The following ZNF827 variants were observed in gnomAD, a reference collection of about 807,000 sequenced individuals.
ZNF827 encodes the protein zinc finger protein 827.
In ZNF827, 13 loss-of-function variants were observed where a neutral mutation model predicts 102.4. The observed-to-expected ratio is 0.13, with a 90% confidence interval of 0.08 to 0.20. The LOEUF is 0.20. Ranked by LOEUF, ZNF827 falls within the 10% of genes least tolerant of loss-of-function variation. The pLI is 1.00. For missense variants in ZNF827, 1,103 were observed against 1,344.4 expected, an observed-to-expected ratio of 0.82 and a Z score of 2.81; for synonymous variants, 523 against 536.2, an observed-to-expected ratio of 0.98 and a Z score of 0.34.
At chr4:145,787,718 T>G (rs528764311) in intron 8 of ZNF827, among the ~76,000 whole-genome samples, 1 of 152,262 alleles carries the variant, frequency 6.6e-6, no homozygotes, top group East Asian at 1.9e-4. Flanking sequence ...ACCCATCTGA[T>G]AGAATTCAGG....
intron 8 of ZNF827, among the ~76,000 whole-genome samples, chr4:145,789,555 C>G (rs557015117): frequency 6.6e-6 from 1 of 152,278 alleles, no homozygotes; most frequent in East Asian, 1.9e-4. Context: ...TATTTTACAA[C>G]ACAACAAAAC....
At chr4:145,899,860 C>T (rs1053219218) in intron 2 of ZNF827, among the ~76,000 whole-genome samples, 2 of 152,120 alleles carry the variant, frequency 1.3e-5, no homozygotes, top group African/African-American at 4.8e-5. Context: ...AGTTCCTTTC[C>T]CTCCTCTTTC....
At chr4:145,890,928 G>C (rs926297518) in intron 3 of ZNF827, among the ~76,000 whole-genome samples, 2 of 152,200 alleles carry the variant, frequency 1.3e-5, no homozygotes, top group African/African-American at 4.8e-5. Flanking sequence ...AATCTTCCAA[G>C]CTATTTCCTA....
chr4:145,825,320 T>C (rs572993381), intron 7 of ZNF827, among the ~76,000 whole-genome samples: 1 of 152,214 alleles, frequency 6.6e-6, no homozygotes, highest in Non-Finnish European at 1.5e-5. Flanking sequence ...GTCTGGACCC[T>C]GTGTGCAGTG....
intron 8 of ZNF827, among the ~76,000 whole-genome samples, chr4:145,789,894 T>C (rs1249975858): frequency 6.6e-6 from 1 of 152,196 alleles, no homozygotes; most frequent in Non-Finnish European, 1.5e-5. Context: ...GAGAGAATGG[T>C]GGAATTTGGA....
In ZNF827 at chr4:145,779,234, T is replaced by G. The variant is rs545123603; in HGVS notation, c.2521+140A>C. On this transcript the variant is annotated intron_variant, in intron 9 of 14. Transcript: ENST00000508784. ...GCCTTTCCAAGGTCTTCTTTAAACA[T>G]GCCAGAGAAAATGGCTTGAAAAGGT... 248 of 1,152,068 alleles carry G rather than the reference T, an allele frequency of 2.2e-4. 2 individuals carry two copies. The African/African-American group carries it at 2.7e-3, about 13-fold the overall frequency. 71.4% of individuals were successfully genotyped at this position (1,152,068 alleles called of 1,614,324 possible).
intron 11 of ZNF827, among the ~76,000 whole-genome samples, chr4:145,767,169 T>C (rs1735433047): frequency 6.6e-6 from 1 of 152,214 alleles, no homozygotes; most frequent in Admixed American, 6.5e-5. Flanking sequence ...GGTGACTGTA[T>C]TTCATATGTT....
Position 145,857,423 on chromosome 4 carries a change from C to T in ZNF827, c.1982-7862G>A, listed in dbSNP as rs183916867. On this transcript the variant is annotated intron_variant, in intron 5 of 14. Coordinates refer to ENST00000508784, the MANE Select transcript of ZNF827 (RefSeq NM_001306215.2). ...CAAAGCGCTTGTTGCTTTACTCTTA[C>T]GTAGATTTTTAAATTAGTCTTGTGT... Among the ~76,000 whole-genome samples the T allele has an allele frequency of 3.6e-3, 542 of 152,242 alleles. 1 individual carries two copies. Among genetic ancestry groups the T allele is most frequent in the African/African-American group, 0.012 (504 of 41,536 alleles).
rs761036678 is a variant in ZNF827 at position 145,849,439 on chromosome 4, G to C, written c.2104C>G (p.Arg702Gly). The change falls in exon 6 of 15, where the codon CGA becomes GGA. Residue 702 changes from arginine (R) to glycine (G), a missense_variant. By Grantham distance (125) the Arg-to-Gly change is moderately radical. Around this residue, in one of 5 missense-constraint regions of ZNF827, gnomAD observed 243 missense variants for 251.6 expected, o/e 0.97. Coordinates refer to ENST00000508784, the MANE Select transcript of ZNF827 (RefSeq NM_001306215.2). ...TTCTGTAAGGGTTCGGTTTTCTCTC[G>C]CCCGATTAAAGTGCTGTAGCCAACA... ...RNVGYSTLIGREKTEPLQKMP... is the reference protein window; with the variant it reads ...RNVGYSTLIGGEKTEPLQKMP... 6.2e-7 allele frequency: 1 copy of C among 1,614,018 alleles called. No individual in the cohort carries two copies. The highest frequency in any genetic ancestry group is 8.5e-7 in the Non-Finnish European group (1 of 1,180,020).
At chr4:145,794,485 G>C (rs1740166461) in intron 8 of ZNF827, among the ~76,000 whole-genome samples, 1 of 151,938 alleles carries the variant, frequency 6.6e-6, no homozygotes. Flanking sequence ...CTAGGAGTTG[G>C]ATACCAGCCT....
intron 5 of ZNF827, among the ~76,000 whole-genome samples, chr4:145,868,358 A>ATT (rs11435300): frequency 6.6e-6 from 1 of 151,894 alleles, no homozygotes; most frequent in South Asian, 2.1e-4. Context: ...GGATTTGAGG[A>ATT]TTTTTTTTCA....
chr4:145,892,092 TG>T (rs1427985334), intron 3 of ZNF827, 150 bp downstream of exon 3: 5 of 666,108 alleles, frequency 7.5e-6, no homozygotes, highest in Non-Finnish European at 2.3e-6. Context: ...ACCTTTCTGT[TG>T]AATTCTACCT....
chr4:145,830,474 T>C (rs1317402329), intron 7 of ZNF827: 2 of 152,200 alleles, frequency 1.3e-5, no homozygotes, highest in African/African-American at 4.8e-5. Flanking sequence ...AAAAACACTT[T>C]ATTTTTACAT....
intron 5 of ZNF827, among the ~76,000 whole-genome samples, chr4:145,861,379 C>T (rs1270586896): frequency 2.0e-5 from 3 of 152,254 alleles, no homozygotes; most frequent in Admixed American, 1.3e-4. Flanking sequence ...TACCTTCTAT[C>T]CATCAGGAAA....
chr4:145,791,937 C>T (rs568889694), intron 8 of ZNF827, among the ~76,000 whole-genome samples: 2 of 152,294 alleles, frequency 1.3e-5, no homozygotes, highest in South Asian at 2.1e-4. Flanking sequence ...AACTAGGAAG[C>T]GTATGTACTC....
At chr4:145,833,331 G>A (rs183041605) in intron 7 of ZNF827, among the ~76,000 whole-genome samples, 238 of 152,268 alleles carry the variant, frequency 1.6e-3, no homozygotes, top group Admixed American at 3.9e-3. Flanking sequence ...AAACTCTGGC[G>A]CCAGTCACGG....
chr4:145,879,278 G>C (rs1749472327), intron 4 of ZNF827, among the ~76,000 whole-genome samples: 1 of 152,198 alleles, frequency 6.6e-6, no homozygotes, highest in Admixed American at 6.5e-5. Flanking sequence ...CTATAGGGCT[G>C]TGGTGAAGGT....
intron 4 of ZNF827, among the ~76,000 whole-genome samples, chr4:145,874,591 G>A (rs1748994229): frequency 6.6e-6 from 1 of 152,148 alleles, no homozygotes; most frequent in African/African-American, 2.4e-5. Context: ...TGCAGTGAGA[G>A]GTGGAATTCA....
At chr4:145,800,683 A>G (rs538737346) in intron 8 of ZNF827, among the ~76,000 whole-genome samples, 38 of 152,288 alleles carry the variant, frequency 2.5e-4, no homozygotes, top group African/African-American at 8.4e-4. Context: ...TTGACTGACA[A>G]TTCCCTACTG....
Sources: gnomAD v4.1 joint callset for allele counts (sites outside exome capture counted in the v4.1 genomes callset) on GRCh38, gnomAD v4.1.1 for gene constraint, gnomAD v4.1.1 regional missense constraint, MANE v1.5 for transcripts, NCBI Gene and HGNC (gene_info 2026-07-23, HGNC 2026-07-21) for gene names.